Variants in PLXNC1 observed in about 807,000 individuals in gnomAD.
The protein encoded by PLXNC1 is plexin-C1.
In PLXNC1, 75 loss-of-function variants were observed where a neutral mutation model predicts 178.2. That is an observed-to-expected ratio of 0.42 (90% confidence interval 0.35 to 0.51). The LOEUF (loss-of-function observed/expected upper bound fraction) is 0.51. PLXNC1 is among the 20% of genes least tolerant of loss of function. PLXNC1 has a pLI of 0.02. For synonymous variants in PLXNC1, 790 were observed against 779.9 expected, an observed-to-expected ratio of 1.01 and a Z score of -0.22; for missense variants, 1,503 against 1,984.4, an observed-to-expected ratio of 0.76 and a Z score of 4.61.
chr12:94,266,794 C>T (rs546432257), intron 21 of PLXNC1, among the ~76,000 whole-genome samples: 7 of 152,348 alleles, frequency 4.6e-5, no homozygotes, highest in Admixed American at 2.0e-4. Flanking sequence ...ATAAAAAGCA[C>T]TTAGAACATT....
intron 1 of PLXNC1, among the ~76,000 whole-genome samples, chr12:94,151,916 G>T (rs146057609): frequency 1.6e-4 from 25 of 152,298 alleles, no homozygotes; most frequent in African/African-American, 5.8e-4. Flanking sequence ...AGAGGAAGTC[G>T]CGGAGCTTCT....
At chr12:94,253,808 G>A (rs949076678) in intron 15 of PLXNC1, among the ~76,000 whole-genome samples, 4 of 151,908 alleles carry the variant, frequency 2.6e-5, no homozygotes, top group Non-Finnish European at 5.9e-5. Context: ...CAAGTAGCTG[G>A]GACTCCAGGC....
In PLXNC1 at chr12:94,169,206, C is replaced by G; in HGVS notation, c.1116C>G (p.Ile372Met). 1 of 1,613,758 alleles carries G rather than the reference C, an allele frequency of 6.2e-7. No homozygotes were observed. The highest frequency in any genetic ancestry group is 8.5e-7 in the Non-Finnish European group (1 of 1,179,702). The change falls in exon 2 of 31, where the codon ATC (isoleucine) becomes ATG (methionine). Residue 372 changes from isoleucine to methionine, a missense_variant. Ile to Met is a conservative substitution (Grantham distance 10, BLOSUM62 1). Around this residue, in one of 4 missense-constraint regions of PLXNC1, gnomAD observed 615 missense variants for 698.6 expected, o/e 0.88. Transcript: ENST00000258526. Reference protein sequence around the residue: ...RVQPIASSTLIHSDLTSVYGT... With the variant: ...RVQPIASSTLMHSDLTSVYGT... ...AACCAATCGCATCATCTACCTTGATCCATTCCGACCTGACATCCGTTTATG... is the reference window on the plus strand; with the variant it reads ...AACCAATCGCATCATCTACCTTGATGCATTCCGACCTGACATCCGTTTATG...
chr12:94,200,072 C>T (rs1330734628), intron 4 of PLXNC1, among the ~76,000 whole-genome samples: 2 of 152,334 alleles, frequency 1.3e-5, no homozygotes, highest in Non-Finnish European at 2.9e-5. Context: ...GGATTACAGG[C>T]GTGAGCCACC....
chr12:94,184,804 A>C (rs1270828318), intron 3 of PLXNC1, among the ~76,000 whole-genome samples: 1 of 152,232 alleles, frequency 6.6e-6, no homozygotes, highest in African/African-American at 2.4e-5. Flanking sequence ...CATATTCCAC[A>C]GAATGCTCTG....
At chr12:94,293,904 G>C (rs1486173317) in intron 23 of PLXNC1, among the ~76,000 whole-genome samples, 2 of 152,074 alleles carry the variant, frequency 1.3e-5, no homozygotes, top group East Asian at 3.9e-4. Flanking sequence ...GCAGGAGTGA[G>C]GCACCACGCC....
Position 94,237,741 on chromosome 12 carries a change from C to T in PLXNC1, c.2058C>T (p.Asn686=). The change falls in exon 10 of 31, where the codon AAC becomes AAT. Residue 686 remains asparagine, a synonymous_variant. Transcript: ENST00000258526. ...GKSNVIVTGA[N]FTRASNITMI... is the part of the protein sequence containing the mutation. ...GCAACGTGATAGTAACGGGAGCAAA[C>T]TTTACCCGGGCATCGAACATCACAA... 3 of 1,614,018 alleles carry T rather than the reference C, an allele frequency of 1.9e-6. No homozygotes were observed. Among genetic ancestry groups the T allele is most frequent in the South Asian group, 1.1e-5 (1 of 91,078 alleles).
At chr12:94,230,783 T>G (rs972326519) in intron 9 of PLXNC1, among the ~76,000 whole-genome samples, 2 of 152,242 alleles carry the variant, frequency 1.3e-5, no homozygotes, top group Non-Finnish European at 2.9e-5. Flanking sequence ...TTTGCTTCAA[T>G]GCATCTGCCC....
At chr12:94,268,741 C>T (rs1298061532) in intron 21 of PLXNC1, among the ~76,000 whole-genome samples, 3 of 151,788 alleles carry the variant, frequency 2.0e-5, no homozygotes, top group Admixed American at 2.0e-4. Context: ...ATTATAGGCA[C>T]CTGCCATCAT....
chr12:94,224,591 C>G (rs1963888373), intron 7 of PLXNC1, among the ~76,000 whole-genome samples: 1 of 152,098 alleles, frequency 6.6e-6, no homozygotes, highest in African/African-American at 2.4e-5. Flanking sequence ...GACCGAGAGG[C>G]AGCCTTGAAG....
intron 5 of PLXNC1, among the ~76,000 whole-genome samples, chr12:94,218,084 A>G (rs1374022725): frequency 6.6e-6 from 1 of 152,242 alleles, no homozygotes; most frequent in Admixed American, 6.5e-5. Context: ...ACATATATGT[A>G]TACAAGATAA....
intron 9 of PLXNC1, chr12:94,227,440 ACT>A (rs1406525150): frequency 9.5e-6 from 4 of 421,838 alleles, no homozygotes; most frequent in Non-Finnish European, 1.7e-5. Flanking sequence ...ATAAATTAAA[ACT>A]CTGTAATTAT....
intron 23 of PLXNC1, among the ~76,000 whole-genome samples, chr12:94,283,196 T>C (rs755707711): frequency 2.6e-5 from 4 of 152,110 alleles, no homozygotes; most frequent in Non-Finnish European, 5.9e-5. Context: ...ACCTTGCGTG[T>C]AGTAGTGCTG....
At chr12:94,167,383 G>A (rs960874664) in intron 1 of PLXNC1, among the ~76,000 whole-genome samples, 2 of 152,188 alleles carry the variant, frequency 1.3e-5, no homozygotes, top group South Asian at 4.1e-4. Flanking sequence ...GAGTCCTCTA[G>A]CCAGAGATAG....
Position 94,264,964 on chromosome 12 carries a change from T to C in PLXNC1, c.3451-115T>C, listed in dbSNP as rs1275420400. On this transcript the variant is annotated intron_variant, in intron 20 of 30. Transcript: ENST00000258526. ...GTGTATTTTCTTGGGCGTTTCATGT[T>C]GAGTGTTAGAAAACCCTGTCTCCTG... 4 of 1,044,628 alleles carry C rather than the reference T, an allele frequency of 3.8e-6. No homozygotes were observed. In the African/African-American group the frequency reaches 4.8e-5, roughly 12 times the overall value. 64.7% of individuals were successfully genotyped at this position (1,044,628 alleles called of 1,614,324 possible).
rs1332691502 is a variant in PLXNC1, at chr12:94,235,621, C to A, written c.1981-2043C>A. The stretch of plus-strand genomic sequence containing the variant: ...AGCAGAGGTCGGCAAATGTTTTCTA[C>A]AAAGAGCCAAGACAGTAAATATTTT... On this transcript the variant is annotated intron_variant, in intron 9 of 30. Transcript: ENST00000258526. Among the ~76,000 whole-genome samples, 3 of 152,132 alleles carry A rather than the reference C, an allele frequency of 2.0e-5. No homozygotes were observed. The East Asian group carries it at 5.8e-4, about 29-fold the overall frequency.
intron 4 of PLXNC1, among the ~76,000 whole-genome samples, chr12:94,208,730 C>T (rs958441828): frequency 5.9e-5 from 9 of 152,198 alleles, no homozygotes; most frequent in African/African-American, 2.2e-4. Flanking sequence ...TGGAGTCCAA[C>T]ACCCTTTGGC....
chr12:94,185,258 T>G (rs1233415799), intron 3 of PLXNC1, among the ~76,000 whole-genome samples: 1 of 152,184 alleles, frequency 6.6e-6, no homozygotes, highest in African/African-American at 2.4e-5. Context: ...CTCCATGAAG[T>G]CAACTTGGAA....
intron 3 of PLXNC1, among the ~76,000 whole-genome samples, chr12:94,185,512 G>A (rs1027666961): frequency 6.6e-6 from 1 of 152,212 alleles, no homozygotes; most frequent in Non-Finnish European, 1.5e-5. Context: ...CCTACTTGCA[G>A]GCTCTGACTG....
Sources: gnomAD v4.1 joint callset for allele counts (sites outside exome capture counted in the v4.1 genomes callset) on GRCh38, gnomAD v4.1.1 for gene constraint, gnomAD v4.1.1 regional missense constraint, MANE v1.5 for transcripts, NCBI Gene and HGNC (gene_info 2026-07-23, HGNC 2026-07-21) for gene names.